LRBA: variants seen among roughly 807,000 people sequenced by gnomAD.
LRBA encodes lipopolysaccharide-responsive and beige-like anchor protein.
In LRBA, 176 loss-of-function variants were observed where a neutral mutation model predicts 330.0. The ratio of observed to expected loss-of-function variants is 0.53; its 90% CI spans 0.47 to 0.60. LRBA has a LOEUF of 0.60. LRBA is among the 20% of genes least tolerant of loss of function. The pLI is 0.00. For synonymous variants in LRBA, 1,230 were observed against 1,193.0 expected, an observed-to-expected ratio of 1.03 and a Z score of -0.64; for missense variants, 3,259 against 3,444.8, an observed-to-expected ratio of 0.95 and a Z score of 1.35.
intron 41 of LRBA, among the ~76,000 whole-genome samples, chr4:150,490,547 A>G (rs1260522571): frequency 6.6e-6 from 1 of 151,888 alleles, no homozygotes; most frequent in Non-Finnish European, 1.5e-5. Flanking sequence ...TTAAATAGAC[A>G]TATGAATCGT....
chr4:150,354,970 G>A (rs1395666717), intron 47 of LRBA, among the ~76,000 whole-genome samples: 1 of 151,850 alleles, frequency 6.6e-6, no homozygotes, highest in East Asian at 1.9e-4. Context: ...GTGTGTCTGT[G>A]TGCATGTTTA....
intron 36 of LRBA, among the ~76,000 whole-genome samples, chr4:150,685,426 T>TATATAAA (rs1783520525): frequency 4.2e-5 from 1 of 23,570 alleles, no homozygotes; most frequent in Non-Finnish European, 8.1e-5. Flanking sequence ...ATATATTTTT[T>TATATAAA]TTTTTTTTTT....
At chr4:150,642,178 A>C (rs1186388370) in intron 37 of LRBA, among the ~76,000 whole-genome samples, 1 of 151,998 alleles carries the variant, frequency 6.6e-6, no homozygotes, top group East Asian at 1.9e-4. Flanking sequence ...TGAGCAATTC[A>C]AAAGCACAAG....
chr4:150,360,147 T>C (rs1209888685), intron 47 of LRBA, among the ~76,000 whole-genome samples: 1 of 152,000 alleles, frequency 6.6e-6, no homozygotes, highest in African/African-American at 2.4e-5. Flanking sequence ...CCACATTTTT[T>C]TAATTTATAA....
Position 150,754,474 on chromosome 4 carries a change from G to C in LRBA, c.5645+7309C>G, listed in dbSNP as rs554404477. Among the ~76,000 whole-genome samples, 14 of 141,622 alleles carry C rather than the reference G, an allele frequency of 9.9e-5. No individual in the cohort carries two copies. In the East Asian group the frequency reaches 1.4e-3, roughly 15 times the overall value. 92.9% of individuals were successfully genotyped at this position (141,622 alleles called of 152,430 possible). On this transcript the variant is annotated intron_variant, in intron 35 of 56. Transcript: ENST00000651943. ...AACAGAGATAAAGACATGAGCCCAG[G>C]AGCTAAGCGGTTGCAGCCTGGGTGA...
chr4:150,566,804 C>T (rs1254980204), intron 40 of LRBA, among the ~76,000 whole-genome samples: 1 of 152,028 alleles, frequency 6.6e-6, no homozygotes, highest in East Asian at 1.9e-4. Context: ...TACTTCAGCA[C>T]TTATGAAATA....
At chr4:150,415,801 A>C (rs149804696) in intron 46 of LRBA, among the ~76,000 whole-genome samples, 1 of 152,274 alleles carries the variant, frequency 6.6e-6, no homozygotes, top group Non-Finnish European at 1.5e-5. Context: ...ACTGGTATAA[A>C]TAACTTTCAT....
chr4:150,439,309 A>G (rs1237220992), intron 44 of LRBA, among the ~76,000 whole-genome samples: 1 of 151,362 alleles, frequency 6.6e-6, no homozygotes, highest in Non-Finnish European at 1.5e-5. Flanking sequence ...TAATGCTAAA[A>G]CCAATTAGGA....
chr4:150,864,039 G>A (rs1461958429), intron 22 of LRBA, among the ~76,000 whole-genome samples: 1 of 152,050 alleles, frequency 6.6e-6, no homozygotes, highest in Admixed American at 6.6e-5. Context: ...CTGGGTTCAA[G>A]CGATTCTTCT....
chr4:150,623,265 T>C (rs1305394741), intron 37 of LRBA, among the ~76,000 whole-genome samples: 2 of 152,226 alleles, frequency 1.3e-5, no homozygotes, highest in African/African-American at 4.8e-5. Flanking sequence ...TAACTCCTTT[T>C]GACTTAGTGA....
At chr4:150,331,334 G>A (rs1367706613) in intron 48 of LRBA, among the ~76,000 whole-genome samples, 8 of 152,190 alleles carry the variant, frequency 5.3e-5, no homozygotes, top group Non-Finnish European at 1.5e-5. Context: ...AGGTGGGTTG[G>A]TAATAGGGTA....
chr4:150,624,361 C>CT (rs1320691567), intron 37 of LRBA, among the ~76,000 whole-genome samples: 1 of 150,606 alleles, frequency 6.6e-6, no homozygotes, highest in Non-Finnish European at 1.5e-5. Flanking sequence ...GTGAGAGACT[C>CT]TGTCTCAAAA....
At chr4:150,965,815 G>A (rs1462849799) in intron 2 of LRBA, among the ~76,000 whole-genome samples, 1 of 151,738 alleles carries the variant, frequency 6.6e-6, no homozygotes, top group Non-Finnish European at 1.5e-5. Context: ...AAGTGTTGAT[G>A]TTACAGGTGT....
chr4:150,809,854 CG>C (rs1239434483), intron 31 of LRBA, among the ~76,000 whole-genome samples: 16 of 6,052 alleles, frequency 2.6e-3, no homozygotes, highest in Admixed American at 0.011. Flanking sequence ...TCTTAAAATA[CG>C]ATACGATACG....
At chr4:150,393,726 T>TCCTC (rs1354101430) in intron 47 of LRBA, among the ~76,000 whole-genome samples, 1 of 152,272 alleles carries the variant, frequency 6.6e-6, no homozygotes, top group East Asian at 1.9e-4. Context: ...CCTGAAGTCA[T>TCCTC]CCTCCCACCT....
At chr4:150,811,949 A>G (rs1213982477) in intron 31 of LRBA, among the ~76,000 whole-genome samples, 6 of 152,226 alleles carry the variant, frequency 3.9e-5, no homozygotes, top group Non-Finnish European at 4.4e-5. Flanking sequence ...TTCAATTCTA[A>G]AAGAGAATAT....
intron 47 of LRBA, among the ~76,000 whole-genome samples, chr4:150,391,718 A>G (rs1034805879): frequency 3.9e-5 from 6 of 152,190 alleles, no homozygotes; most frequent in African/African-American, 1.4e-4. Flanking sequence ...ATAATTGGTC[A>G]ATAATTACTG....
intron 40 of LRBA, among the ~76,000 whole-genome samples, chr4:150,574,738 G>A (rs1030127429): frequency 8.6e-5 from 13 of 152,026 alleles, no homozygotes; most frequent in South Asian, 4.1e-4. Context: ...TAGATTATTC[G>A]TAGAGCATTT....
chr4:150,428,400 TG>T (rs1749923446), intron 46 of LRBA, among the ~76,000 whole-genome samples: 1 of 152,142 alleles, frequency 6.6e-6, no homozygotes, highest in South Asian at 2.1e-4. Flanking sequence ...TAACAACTTG[TG>T]GTCAGCATCT....
Sources: gnomAD v4.1 joint callset for allele counts (sites outside exome capture counted in the v4.1 genomes callset) on GRCh38, gnomAD v4.1.1 for gene constraint, MANE v1.5 for transcripts, NCBI Gene and HGNC (gene_info 2026-07-23, HGNC 2026-07-21) for gene names.